NSUN6: variants seen among roughly 807,000 people sequenced by gnomAD.
The protein encoded by NSUN6 is tRNA (cytosine(72)-C(5))-methyltransferase NSUN6.
In NSUN6, 64 loss-of-function variants were observed where a neutral mutation model predicts 58.0. That is an observed-to-expected ratio of 1.10 (90% CI 0.90 to 1.36). The LOEUF (loss-of-function observed/expected upper bound fraction) is 1.36. Among genes scored for constraint, NSUN6 ranks in the 40% most tolerant of loss-of-function variants. The pLI is 0.00. For missense variants in NSUN6, 701 were observed against 550.1 expected, an observed-to-expected ratio of 1.27 and a Z score of -2.74; for synonymous variants, 231 against 193.9, an observed-to-expected ratio of 1.19 and a Z score of -1.59.
chr10:18,570,756 T>TCCATG (rs1231799465), intron 8 of NSUN6, among the ~76,000 whole-genome samples: 1 of 143,576 alleles, frequency 7.0e-6, no homozygotes, highest in Non-Finnish European at 1.6e-5. Context: ...TCCATTCCAT[T>TCCATG]CTCCATTCCA....
At chr10:18,605,208 A>G (rs1225715059) in intron 6 of NSUN6, among the ~76,000 whole-genome samples, 6 of 152,014 alleles carry the variant, frequency 3.9e-5, no homozygotes, top group South Asian at 2.1e-4. Flanking sequence ...AAAAAAAAAA[A>G]AAGTGTAGAA....
chr10:18,613,886 C>T (rs2058321324), intron 5 of NSUN6, among the ~76,000 whole-genome samples: 1 of 152,040 alleles, frequency 6.6e-6, no homozygotes, highest in Non-Finnish European at 1.5e-5. Context: ...CTCAAAAAGC[C>T]TGAAAAAACT....
chr10:18,639,551 T>TA (rs1434008908), intron 3 of NSUN6, among the ~76,000 whole-genome samples: 4 of 152,152 alleles, frequency 2.6e-5, no homozygotes, highest in Non-Finnish European at 5.9e-5. Context: ...AATCAGGAGT[T>TA]AAAAAAACAA....
At chr10:18,576,717 G>A (rs1447321524) in intron 8 of NSUN6, among the ~76,000 whole-genome samples, 1 of 152,182 alleles carries the variant, frequency 6.6e-6, no homozygotes, top group Non-Finnish European at 1.5e-5. Context: ...GGGATGCAGT[G>A]AGCTTAAGAA....
chr10:18,567,982 C>T (rs960030638), intron 8 of NSUN6, among the ~76,000 whole-genome samples: 1 of 150,918 alleles, frequency 6.6e-6, no homozygotes, highest in Admixed American at 6.6e-5. Flanking sequence ...TTCCCCATTC[C>T]ATTCCATTCT....
At chr10:18,553,586 T>C (rs2054762174) in intron 8 of NSUN6, among the ~76,000 whole-genome samples, 1 of 146,466 alleles carries the variant, frequency 6.8e-6, no homozygotes, top group Non-Finnish European at 1.5e-5. Flanking sequence ...ATGGAGATTG[T>C]TTTGAATGGA....
At chr10:18,553,637 AAGAATGGAATGGAATGG>A (rs957612152) in intron 8 of NSUN6, among the ~76,000 whole-genome samples, 4 of 149,890 alleles carry the variant, frequency 2.7e-5, no homozygotes, top group African/African-American at 9.8e-5. Flanking sequence ...GAATGGAAGG[AAGAATGGAATGGAATGG>A]AGAATGGAAT....
chr10:18,626,596 T>C (rs1361572255), intron 3 of NSUN6, among the ~76,000 whole-genome samples: 1 of 152,108 alleles, frequency 6.6e-6, no homozygotes, highest in Non-Finnish European at 1.5e-5. Context: ...GGTGAAACCC[T>C]GTCTCTACTA....
At chr10:18,551,244 TTGTGTGTGTGTGTG>T (rs35396134) in intron 9 of NSUN6, among the ~76,000 whole-genome samples, 97 of 127,172 alleles carry the variant, frequency 7.6e-4, no homozygotes, top group Admixed American at 3.4e-3. Flanking sequence ...GTCCTCTCAG[TTGTGTGTGTGTGTG>T]TGTGTGTGTG....
chr10:18,555,119 G>C lies in NSUN6; in HGVS notation c.923-3148C>G, dbSNP rs1011810920. The stretch of plus-strand genomic sequence containing the variant: ...GAATGGAGTGAAGAATGGCATGAAA[G>C]GAAATGGAGAATGTAATGTAATGGA... On this transcript the variant is annotated intron_variant, in intron 8 of 10. Transcript: ENST00000377304. Among the ~76,000 whole-genome samples the C allele has an allele frequency of 5.4e-5, 8 of 147,876 alleles. No homozygotes were observed. In the Admixed American group the frequency reaches 5.4e-4, roughly 10 times the overall value.
chr10:18,554,285 A>C (rs1270212728), intron 8 of NSUN6, among the ~76,000 whole-genome samples: 1 of 151,534 alleles, frequency 6.6e-6, no homozygotes, highest in African/African-American at 2.4e-5. Flanking sequence ...AGAAGAATGG[A>C]ATGGAATGGA....
intron 3 of NSUN6, among the ~76,000 whole-genome samples, chr10:18,619,928 C>T (rs936605896): frequency 1.6e-4 from 24 of 151,832 alleles, no homozygotes; most frequent in Admixed American, 1.4e-3. Context: ...TTACTATGTG[C>T]GATGCAATAT....
chr10:18,617,331 G>A (rs768203799), intron 3 of NSUN6, among the ~76,000 whole-genome samples: 4 of 151,892 alleles, frequency 2.6e-5, no homozygotes, highest in African/African-American at 9.7e-5. Flanking sequence ...GGGATTACAG[G>A]TGCTCGCCAC....
chr10:18,581,449 A>G (rs938147481), intron 8 of NSUN6, among the ~76,000 whole-genome samples: 1 of 152,180 alleles, frequency 6.6e-6, no homozygotes, highest in Non-Finnish European at 1.5e-5. Context: ...TGGCAGCATC[A>G]GGAAATTAAC....
At chr10:18,551,430 T>C (rs2054598790) in intron 9 of NSUN6, among the ~76,000 whole-genome samples, 1 of 152,144 alleles carries the variant, frequency 6.6e-6, no homozygotes, top group African/African-American at 2.4e-5. Context: ...TGCAAGTCTA[T>C]ACCCATTAAA....
At chr10:18,571,066 C>A (rs2056332342) in intron 8 of NSUN6, among the ~76,000 whole-genome samples, 1 of 150,122 alleles carries the variant, frequency 6.7e-6, no homozygotes, top group African/African-American at 2.4e-5. Flanking sequence ...CTCAATTCTC[C>A]ATTTCATTGC....
chr10:18,607,746 T>C (rs1350246385), intron 6 of NSUN6, among the ~76,000 whole-genome samples: 1 of 152,232 alleles, frequency 6.6e-6, no homozygotes, highest in African/African-American at 2.4e-5. Context: ...GGGCCAAGAA[T>C]ACAGGCTTGA....
At chr10:18,639,887 A>G (rs2059339703) in intron 3 of NSUN6, among the ~76,000 whole-genome samples, 1 of 152,238 alleles carries the variant, frequency 6.6e-6, no homozygotes, top group South Asian at 2.1e-4. Context: ...TATGTCTCCA[A>G]CTAAAATAAG....
chr10:18,637,387 C>A (rs2059253253), intron 3 of NSUN6, among the ~76,000 whole-genome samples: 1 of 152,178 alleles, frequency 6.6e-6, no homozygotes, highest in Non-Finnish European at 1.5e-5. Context: ...TAGCCTAGAT[C>A]ACTACAAAGA....
Sources: gnomAD v4.1 joint callset for allele counts (sites outside exome capture counted in the v4.1 genomes callset) on GRCh38, gnomAD v4.1.1 for gene constraint, MANE v1.5 for transcripts, NCBI Gene and HGNC (gene_info 2026-07-23, HGNC 2026-07-21) for gene names.